M1AP: variants seen among roughly 807,000 people sequenced by gnomAD.
M1AP encodes meiosis 1 arrest protein.
In M1AP, 39 loss-of-function variants were observed where a neutral mutation model predicts 51.2. That is an observed-to-expected ratio of 0.76 (90% CI 0.59 to 1.00). The LOEUF is 1.00. M1AP is among the 50% of genes least tolerant of loss of function. The pLI is 0.00. For missense variants in M1AP, 545 were observed against 641.2 expected (o/e 0.85, Z 1.62); for synonymous variants, 251 against 249.2 (o/e 1.01, Z -0.07).
intron 2 of M1AP, among the ~76,000 whole-genome samples, chr2:74,638,591 T>C (rs575239726): frequency 4.2e-4 from 64 of 152,300 alleles, no homozygotes; most frequent in African/African-American, 1.5e-3. Flanking sequence ...TTTGGATCAG[T>C]CGTTCTGGGA....
chr2:74,561,139 GAGA>G (rs1677935629), intron 8 of M1AP, among the ~76,000 whole-genome samples: 15 of 97,756 alleles, frequency 1.5e-4, no homozygotes, highest in South Asian at 3.6e-4. Context: ...GGAGGAGGAG[GAGA>G]AGGAGGAGGA....
chr2:74,640,519 G>A (rs1683235862), intron 1 of M1AP, among the ~76,000 whole-genome samples, 192 bp from the exon 2 acceptor site: 1 of 149,600 alleles, frequency 6.7e-6, no homozygotes, highest in Non-Finnish European at 1.5e-5. Context: ...GGAGCGCAGT[G>A]GTGCGATCTT....
chr2:74,577,021 A>G (rs544256050), intron 5 of M1AP: 1 of 513,546 alleles, frequency 1.9e-6, no homozygotes, highest in African/African-American at 2.0e-5. Context: ...GCAATCACAG[A>G]AGGAAATCTT....
At chr2:74,579,288 C>A (rs1679264187) in intron 5 of M1AP, among the ~76,000 whole-genome samples, 1 of 152,184 alleles carries the variant, frequency 6.6e-6, no homozygotes, top group Admixed American at 6.5e-5. Context: ...CTGAGGGCAC[C>A]AGCCCTCCTA....
At chr2:74,587,036 T>C (rs1679749145) in intron 4 of M1AP, among the ~76,000 whole-genome samples, 1 of 152,052 alleles carries the variant, frequency 6.6e-6, no homozygotes, top group Admixed American at 6.5e-5. Flanking sequence ...GCTATGTGAT[T>C]TTGGGCGAAG....
intron 4 of M1AP, among the ~76,000 whole-genome samples, chr2:74,599,991 T>C (rs1680586227): frequency 6.6e-6 from 1 of 152,174 alleles, no homozygotes; most frequent in African/African-American, 2.4e-5. Flanking sequence ...TTTGTTATAT[T>C]GCCCAGGCTG....
Position 74,637,941 on chromosome 2 carries a change from C to A in M1AP, c.240+2095G>T, listed in dbSNP as rs1051726441. ...CCTCTAGCTATTAATACCTTGGTCTCTCTGAAGTCCCAGATCCATCTCCTT... is the reference window on the plus strand; with the variant it reads ...CCTCTAGCTATTAATACCTTGGTCTATCTGAAGTCCCAGATCCATCTCCTT... On this transcript the variant is annotated intron_variant, in intron 2 of 10. Transcript: ENST00000421985. 3.3e-5 allele frequency among the ~76,000 whole-genome samples: 5 copies of A among 152,174 alleles called. No individual in the cohort carries two copies. The East Asian group carries it at 9.6e-4, about 29-fold the overall frequency.
chr2:74,584,445 T>G (rs1679584408), intron 4 of M1AP, among the ~76,000 whole-genome samples: 1 of 138,862 alleles, frequency 7.2e-6, no homozygotes, highest in African/African-American at 2.7e-5. Context: ...ACTGTCTCAG[T>G]TGCAAAAAAA....
chr2:74,569,500 G>A (rs778781164), intron 7 of M1AP, among the ~76,000 whole-genome samples: 3 of 150,708 alleles, frequency 2.0e-5, no homozygotes, highest in Non-Finnish European at 4.4e-5. Context: ...CGCGCCTCCC[G>A]AGTAGCTGGG....
intron 9 of M1AP, 24 bp from the exon 10 acceptor site, chr2:74,559,733 C>T: frequency 1.4e-6 from 1 of 718,388 alleles, no homozygotes; most frequent in Non-Finnish European, 2.6e-6. Context: ...ATGAGAAAAA[C>T]ATATAAGCAA....
chr2:74,594,278 A>G (rs140165080), intron 4 of M1AP, among the ~76,000 whole-genome samples: 2,236 of 152,320 alleles, frequency 0.015, 65 homozygotes, highest in African/African-American at 0.051. Context: ...GTCTCAAAGG[A>G]AAATATAAGT....
chr2:74,565,838 C>G (rs920499215), intron 7 of M1AP, among the ~76,000 whole-genome samples: 1 of 149,954 alleles, frequency 6.7e-6, no homozygotes, highest in South Asian at 2.1e-4. Flanking sequence ...CACACACACA[C>G]ACACACACAC....
intron 2 of M1AP, among the ~76,000 whole-genome samples, chr2:74,631,160 T>C (rs1025771334): frequency 6.6e-6 from 1 of 152,262 alleles, no homozygotes; most frequent in African/African-American, 2.4e-5. Flanking sequence ...AAAAAGCATC[T>C]GATATGACAG....
At chr2:74,570,920 G>A (rs753181116) in intron 7 of M1AP, among the ~76,000 whole-genome samples, 1 of 152,186 alleles carries the variant, frequency 6.6e-6, no homozygotes, top group Non-Finnish European at 1.5e-5. Context: ...GGAATGGGAA[G>A]CACTAAAAAA....
chr2:74,570,151 C>T (rs1454770660), intron 7 of M1AP, among the ~76,000 whole-genome samples: 1 of 151,990 alleles, frequency 6.6e-6, no homozygotes, highest in African/African-American at 2.4e-5. Context: ...GTTAGGGTTA[C>T]AAATAGATGA....
chr2:74,640,340 A>G lies in M1AP; in HGVS notation c.-52-13T>C, dbSNP rs1311836881. Reference sequence around the variant, plus strand: ...ATATTCTTTACACCTATAGGGAAGGAAAGAGAAACCACTGGTTTTCAAACT... The same window carrying G: ...ATATTCTTTACACCTATAGGGAAGGGAAGAGAAACCACTGGTTTTCAAACT... On this transcript the variant is annotated splice_polypyrimidine_tract_variant and intron_variant, in intron 1 of 10. Transcript: ENST00000421985. 3 of 1,570,116 alleles carry G rather than the reference A, an allele frequency of 1.9e-6. No homozygotes were observed. In the African/African-American group the frequency reaches 4.1e-5, roughly 21 times the overall value.
At position 74,581,832 on chromosome 2, in the gene M1AP, C is replaced by T; in HGVS notation, c.611G>A (p.Gly204Glu). The change falls in exon 5 of 11, where the codon GGA becomes GAA. Residue 204 changes from glycine (G) to glutamate (E), a missense_variant. Coordinates refer to ENST00000421985, the MANE Select transcript of M1AP (RefSeq NM_001321739.2). ...TATAGTCTGAAGGTCAATGTCAGTTCCCAGAATAGAACTCTCTGCAAAAGA... is the reference window on the plus strand; with the variant it reads ...TATAGTCTGAAGGTCAATGTCAGTTTCCAGAATAGAACTCTCTGCAAAAGA... ...DTSNDESSIL[G>E]TDIDLQTIDN... The T allele has an allele frequency of 6.2e-7, 1 of 1,613,046 alleles. No individual in the cohort carries two copies. The highest frequency in any genetic ancestry group is 1.3e-5 in the African/African-American group (1 of 74,970).
intron 7 of M1AP, among the ~76,000 whole-genome samples, chr2:74,564,004 G>A (rs1158723434): frequency 6.6e-6 from 1 of 152,108 alleles, no homozygotes; most frequent in East Asian, 1.9e-4. Flanking sequence ...GTTACATCTG[G>A]TACAAACCGT....
chr2:74,592,079 A>C (rs1424996432), intron 4 of M1AP, among the ~76,000 whole-genome samples: 2 of 152,126 alleles, frequency 1.3e-5, no homozygotes. Flanking sequence ...CTGGGATTAC[A>C]GGCATAAGTC....
Sources: gnomAD v4.1 joint callset for allele counts (sites outside exome capture counted in the v4.1 genomes callset) on GRCh38, gnomAD v4.1.1 for gene constraint, MANE v1.5 for transcripts, NCBI Gene and HGNC (gene_info 2026-07-23, HGNC 2026-07-21) for gene names.